The following ANKFY1 variants were observed in gnomAD, a reference collection of about 807,000 sequenced individuals.
ANKFY1 encodes the protein ankyrin repeat and FYVE domain-containing protein 1.
ANKFY1 carries 47 observed loss-of-function variants against 128.3 expected under a neutral mutation model. The ratio of observed to expected loss-of-function variants is 0.37; its 90% CI spans 0.29 to 0.47. The LOEUF (loss-of-function observed/expected upper bound fraction) is 0.47, where lower values mean the gene tolerates loss of function less well. ANKFY1 is among the 20% of genes least tolerant of loss of function. The pLI is 1.00. For missense variants in ANKFY1, 1,222 were observed against 1,510.6 expected, an observed-to-expected ratio of 0.81 and a Z score of 3.17; for synonymous variants, 553 against 601.6, an observed-to-expected ratio of 0.92 and a Z score of 1.18.
At chr17:4,225,255 G>A (rs926329792) in intron 3 of ANKFY1, among the ~76,000 whole-genome samples, 19 of 152,206 alleles carry the variant, frequency 1.2e-4, no homozygotes, top group South Asian at 4.1e-4. Flanking sequence ...TACTCGGGAG[G>A]CTGAGGTAGG....
At chr17:4,224,090 T>C (rs1246172485) in intron 3 of ANKFY1, among the ~76,000 whole-genome samples, 9 of 152,350 alleles carry the variant, frequency 5.9e-5, no homozygotes, top group East Asian at 1.9e-4. Context: ...TAGAGGTACA[T>C]TGTTACAAAA....
rs1277015168 is a variant in ANKFY1, at chr17:4,181,459, A to C, written c.2122-87T>G. 1 of 851,704 alleles carries C rather than the reference A, an allele frequency of 1.2e-6. No homozygotes were observed. The highest frequency in any genetic ancestry group is 1.7e-5 in the African/African-American group (1 of 59,472). The allele number at this position is 851,704 out of a possible 1,614,324, so 52.8% of individuals were successfully genotyped here. Reference sequence around the variant, plus strand: ...AAGTCTGAGCTCTATGTATAGCATTAAATCCACTTTCAGATAAGATACGGT... The same window carrying C: ...AAGTCTGAGCTCTATGTATAGCATTCAATCCACTTTCAGATAAGATACGGT... On this transcript the variant is annotated intron_variant, in intron 15 of 24. Coordinates refer to ENST00000341657, the MANE Select transcript of ANKFY1 (RefSeq NM_001330063.2). This position sits in a 1 kb window ranked among gnomAD's most constrained non-coding sequence, Gnocchi z 4.9.
intron 3 of ANKFY1, chr17:4,223,885 G>A (rs925238367): frequency 1.3e-6 from 1 of 749,252 alleles, no homozygotes; most frequent in Non-Finnish European, 2.2e-6. Context: ...TGGATGCTTT[G>A]TATCTAACAC....
At chr17:4,254,122 G>A (rs1411585307) in intron 1 of ANKFY1, among the ~76,000 whole-genome samples, 2 of 151,920 alleles carry the variant, frequency 1.3e-5, no homozygotes, top group Non-Finnish European at 2.9e-5. Flanking sequence ...CGGCTAACAC[G>A]GTGAAACCCC....
At chr17:4,205,606 G>A (rs1047624717) in intron 7 of ANKFY1, among the ~76,000 whole-genome samples, 1 of 152,030 alleles carries the variant, frequency 6.6e-6, no homozygotes. Flanking sequence ...GCTGGGCGTG[G>A]TGGTGGGCAC....
chr17:4,228,441 G>C (rs2060461665), intron 3 of ANKFY1, among the ~76,000 whole-genome samples: 1 of 150,898 alleles, frequency 6.6e-6, no homozygotes, highest in African/African-American at 2.4e-5. Flanking sequence ...TCTTGAGACA[G>C]AGTCTCACTC....
chr17:4,205,898 G>GTTA (rs2060014302), intron 7 of ANKFY1, among the ~76,000 whole-genome samples: 1 of 152,246 alleles, frequency 6.6e-6, no homozygotes, highest in Admixed American at 6.5e-5. Context: ...GGCCTAGCCT[G>GTTA]TTAAAGTGAA....
Position 4,170,703 on chromosome 17 carries a change from C to A in ANKFY1, c.3286+12G>T. ...GTGCTTGCACTGTGAGAGCAGAGAG[C>A]GGGCCACTCACCCAGCAGTCGGAAC... On this transcript the variant is annotated intron_variant, in intron 23 of 24. Transcript: ENST00000341657. 2 of 1,600,864 alleles carry A rather than the reference C, an allele frequency of 1.2e-6. No homozygotes were observed. The highest frequency in any genetic ancestry group is 1.7e-6 in the Non-Finnish European group (2 of 1,173,192).
chr17:4,207,930 T>A lies in ANKFY1; in HGVS notation c.732+3A>T. 6.3e-7 allele frequency: 1 copy of A among 1,586,464 alleles called. No individual in the cohort carries two copies. The highest frequency in any genetic ancestry group is 8.6e-7 in the Non-Finnish European group (1 of 1,169,252). ...TGAAGAATGGAAAAGGCAGCTACAG[T>A]ACCTGGGAATCCATTTCAATCAGAT... On this transcript the variant is annotated splice_donor_region_variant and intron_variant, in intron 6 of 24. Transcript: ENST00000341657.
At chr17:4,168,103 A>C (rs1430431145) in intron 24 of ANKFY1, 192 bp from the exon 25 acceptor site, 3 of 563,866 alleles carry the variant, frequency 5.3e-6, no homozygotes, top group Non-Finnish European at 9.1e-6. Context: ...AACTCTAGTC[A>C]ATCATCAAGT....
chr17:4,251,861 C>G (rs1598151682), intron 1 of ANKFY1, among the ~76,000 whole-genome samples: 2 of 151,804 alleles, frequency 1.3e-5, no homozygotes, highest in African/African-American at 4.8e-5. Context: ...ATGGCAAAAC[C>G]CCGTCTCTAC....
At chr17:4,221,052 G>A (rs1306737953) in intron 3 of ANKFY1, among the ~76,000 whole-genome samples, 4 of 152,234 alleles carry the variant, frequency 2.6e-5, no homozygotes, top group Non-Finnish European at 5.9e-5. Flanking sequence ...CAGGATGCAT[G>A]TAAATACACT....
chr17:4,235,749 T>C (rs1486606532), intron 3 of ANKFY1, 23 bp downstream of exon 3: 2 of 1,570,082 alleles, frequency 1.3e-6, no homozygotes, highest in African/African-American at 2.7e-5. Context: ...CAGTTTTGTG[T>C]CCCTGATCAC....
intron 7 of ANKFY1, among the ~76,000 whole-genome samples, chr17:4,200,899 C>G (rs950059990): frequency 2.0e-5 from 3 of 152,148 alleles, no homozygotes; most frequent in Non-Finnish European, 4.4e-5. Flanking sequence ...GTCTGAATAT[C>G]TAGAATGGGG....
intron 16 of ANKFY1, chr17:4,180,187 G>A: frequency 3.4e-6 from 1 of 292,740 alleles, no homozygotes; most frequent in Non-Finnish European, 6.5e-6. Flanking sequence ...CAGCACTTTG[G>A]GAGGCCGAGG....
chr17:4,207,839 A>G, intron 6 of ANKFY1, 94 bp downstream of exon 6: 1 of 1,283,494 alleles, frequency 7.8e-7, no homozygotes, highest in Non-Finnish European at 1.1e-6. Context: ...AGACTGTGCC[A>G]GTCATGGCTC....
chr17:4,199,756 T>TA (rs1278130135), intron 7 of ANKFY1, among the ~76,000 whole-genome samples: 1 of 152,194 alleles, frequency 6.6e-6, no homozygotes. Context: ...AAAAACCAGT[T>TA]AAAGTTTACT....
intron 1 of ANKFY1, among the ~76,000 whole-genome samples, chr17:4,254,017 G>A (rs1967981443): frequency 1.3e-5 from 2 of 152,000 alleles, no homozygotes; most frequent in South Asian, 4.2e-4. Flanking sequence ...TTGTAAGAGG[G>A]AGCAGGGGCT....
intron 7 of ANKFY1, among the ~76,000 whole-genome samples, chr17:4,204,761 A>C (rs1178386633): frequency 6.6e-6 from 1 of 152,094 alleles, no homozygotes; most frequent in Non-Finnish European, 1.5e-5. Context: ...GACACGAAAC[A>C]GTGTGGGAAA....
Sources: gnomAD v4.1 joint callset for allele counts (sites outside exome capture counted in the v4.1 genomes callset) on GRCh38, gnomAD v4.1.1 for gene constraint, Gnocchi (gnomAD v3.1) non-coding constraint, MANE v1.5 for transcripts, NCBI Gene and HGNC (gene_info 2026-07-23, HGNC 2026-07-21) for gene names.